DAAM2: variants seen among roughly 807,000 people sequenced by gnomAD.
DAAM2 encodes dishevelled associated activator of morphogenesis 2, also known as disheveled-associated activator of morphogenesis 2.
A neutral mutation model predicts 120.7 loss-of-function variants in DAAM2; 39 were observed. That is an observed-to-expected ratio of 0.32 (90% CI 0.25 to 0.42). DAAM2 has a LOEUF of 0.42. DAAM2 is among the 10% of genes least tolerant of loss of function. The pLI is 1.00. For synonymous variants in DAAM2, 488 were observed against 524.9 expected (o/e 0.93, Z 0.96); for missense variants, 1,283 against 1,401.7 (o/e 0.92, Z 1.35).
At chr6:39,872,742 A>G (rs1256442088) in intron 9 of DAAM2, among the ~76,000 whole-genome samples, 1 of 152,188 alleles carries the variant, frequency 6.6e-6, no homozygotes, top group Non-Finnish European at 1.5e-5. Flanking sequence ...TCACACAACT[A>G]AAGCGTAGAT....
At chr6:39,871,438 T>C in intron 8 of DAAM2, 68 bp from the exon 9 acceptor site, 3 of 1,429,642 alleles carry the variant, frequency 2.1e-6, no homozygotes, top group Non-Finnish European at 2.9e-6. Flanking sequence ...TCGAAGGGGC[T>C]GTAACCCTCA....
chr6:39,803,732 T>C (rs1761932545), intron 1 of DAAM2, among the ~76,000 whole-genome samples: 1 of 152,118 alleles, frequency 6.6e-6, no homozygotes, highest in Non-Finnish European at 1.5e-5. Flanking sequence ...CAGACTTGGG[T>C]GCTGTCCCCC....
intron 3 of DAAM2, among the ~76,000 whole-genome samples, chr6:39,863,799 C>T (rs1165397059): frequency 6.6e-6 from 1 of 152,152 alleles, no homozygotes; most frequent in African/African-American, 2.4e-5. Flanking sequence ...CTCTGCCTCC[C>T]CGCTGCACAT....
In DAAM2 at chr6:39,904,237, T is replaced by C. The variant is rs1033581828; in HGVS notation, c.*2200T>C. 4.4e-6 allele frequency: 2 copies of C among 456,664 alleles called. No homozygotes were observed. Among genetic ancestry groups the C allele is most frequent in the Non-Finnish European group, 8.8e-6 (2 of 226,994 alleles). 28.3% of individuals were successfully genotyped at this position (456,664 alleles called of 1,614,324 possible). The stretch of plus-strand genomic sequence containing the variant: ...ACTGTTGACAGAGGACACAAATACG[T>C]TGTTCCAGAGCTCAGCCTTCTCACT... On this transcript the variant is annotated 3_prime_UTR_variant, in exon 25 of 25. Transcript: ENST00000274867.
rs1299152690 is a variant in DAAM2 at position 39,816,230 on chromosome 6, T to C, written c.-57+23765T>C. Among the ~76,000 whole-genome samples the C allele has an allele frequency of 4.6e-5, 7 of 152,258 alleles. No individual in the cohort carries two copies. The East Asian group carries it at 1.3e-3, about 29-fold the overall frequency. On this transcript the variant is annotated intron_variant, in intron 1 of 24. Coordinates refer to ENST00000274867, the MANE Select transcript of DAAM2 (RefSeq NM_001201427.2). ...GCATTTCTAACATGTTCACAGGTAA[T>C]GCTGATACTGCTTATCTGAGGTCCC...
At chr6:39,797,076 T>C (rs541098288) in intron 1 of DAAM2, among the ~76,000 whole-genome samples, 1 of 152,278 alleles carries the variant, frequency 6.6e-6, no homozygotes, top group South Asian at 2.1e-4. Context: ...AGACCCTTTA[T>C]ACAAAAGTGG....
At position 39,901,486 on chromosome 6, in the gene DAAM2, CCAGG is replaced by C; in HGVS notation, c.2982+16_2982+19del. 1.0e-5 allele frequency: 16 copies of C among 1,598,584 alleles called. No individual in the cohort carries two copies. The South Asian group carries it at 1.8e-4, about 18-fold the overall frequency. On this transcript the variant is annotated intron_variant, in intron 24 of 24. Coordinates refer to ENST00000274867, the MANE Select transcript of DAAM2 (RefSeq NM_001201427.2). This position sits in a 1 kb window ranked among gnomAD's most constrained non-coding sequence, Gnocchi z 4.5. ...ATGGAAGCCATGGTGAGGGGCAGTG[CCAGG>C]CCTGGGACTGAGGGGAGACGGGTGC...
chr6:39,814,529 A>G (rs1392242853), intron 1 of DAAM2, among the ~76,000 whole-genome samples: 1 of 152,246 alleles, frequency 6.6e-6, no homozygotes, highest in Non-Finnish European at 1.5e-5. Flanking sequence ...TGGAAACTAA[A>G]GTTTAGAACA....
chr6:39,893,582 G>C (rs575521682), intron 19 of DAAM2, among the ~76,000 whole-genome samples: 1 of 152,222 alleles, frequency 6.6e-6, no homozygotes, highest in East Asian at 1.9e-4. Context: ...TTGATATCAA[G>C]CTAAGCCGAG....
rs370740545 is a variant in DAAM2, at chr6:39,887,558, C to T, written c.2026C>T (p.Arg676Trp). Residue 676 changes from arginine to tryptophan, a missense_variant, in exon 16 of 25, where the codon CGG becomes TGG. Around this residue, in one of 3 missense-constraint regions of DAAM2, gnomAD observed 748 missense variants for 768.6 expected, o/e 0.97. Coordinates refer to ENST00000274867, the MANE Select transcript of DAAM2 (RefSeq NM_001201427.2). Reference protein sequence around the residue: ...KVKELSVIDGRRAQNCIILLS... With the variant: ...KVKELSVIDGWRAQNCIILLS... ...CAAAGAGCTGTCGGTCATTGATGGCCGGAGGGCCCAAAACTGCATCATCCT... is the reference window on the plus strand; with the variant it reads ...CAAAGAGCTGTCGGTCATTGATGGCTGGAGGGCCCAAAACTGCATCATCCT... The T allele has an allele frequency of 7.7e-5, 124 of 1,613,634 alleles. 1 individual carries two copies. Among genetic ancestry groups the T allele is most frequent in the East Asian group, 1.1e-4 (5 of 44,878 alleles).
chr6:39,827,649 C>T (rs147646668), intron 1 of DAAM2, among the ~76,000 whole-genome samples: 1,717 of 152,186 alleles, frequency 0.011, 21 homozygotes, highest in Middle Eastern at 0.024. Context: ...TGACTCTTTT[C>T]CTTGGGGTCC....
chr6:39,830,358 C>T (rs1164272408), intron 1 of DAAM2, among the ~76,000 whole-genome samples: 1 of 152,112 alleles, frequency 6.6e-6, no homozygotes, highest in African/African-American at 2.4e-5. Flanking sequence ...AGGCTGGAGT[C>T]GCTGGGGTCC....
chr6:39,865,259 G>C (rs1764379677), intron 5 of DAAM2, among the ~76,000 whole-genome samples, 185 bp downstream of exon 5: 1 of 152,246 alleles, frequency 6.6e-6, no homozygotes, highest in African/African-American at 2.4e-5. Flanking sequence ...GAGGAGGGGA[G>C]AGAAACCTGG....
In DAAM2 at chr6:39,901,347, C is replaced by T. The variant is rs763722131; in HGVS notation, c.2857C>T (p.Gln953Ter). The T allele has an allele frequency of 6.2e-7, 1 of 1,613,866 alleles. No homozygotes were observed. Among genetic ancestry groups the T allele is most frequent in the Non-Finnish European group, 8.5e-7 (1 of 1,179,898 alleles). The part of the protein sequence containing the change: ...MHFGEHDSKM[Q>*]PDEFFGIFDT... ...CTTCGGGGAGCATGACAGCAAGATG[C>T]AGCCAGACGAATTCTTTGGCATCTT... Residue 953 changes from glutamine to a stop codon, truncating the protein, a stop_gained, in exon 24 of 25, where the codon CAG becomes TAG. Coordinates refer to ENST00000274867, the MANE Select transcript of DAAM2 (RefSeq NM_001201427.2). LOFTEE classifies it high-confidence loss of function. This position sits in a 1 kb window ranked among gnomAD's most constrained non-coding sequence, Gnocchi z 4.5.
chr6:39,904,713 C>T lies in DAAM2; in HGVS notation c.*2676C>T. The T allele has an allele frequency of 2.2e-6, 1 of 454,112 alleles. No individual in the cohort carries two copies. The highest frequency in any genetic ancestry group is 4.4e-6 in the Non-Finnish European group (1 of 226,784). The allele number at this position is 454,112 out of a possible 1,614,324, so 28.1% of individuals were successfully genotyped here. A position where few individuals can be genotyped will look rare whatever the true frequency, so the allele number is the denominator to read the frequency against. On this transcript the variant is annotated 3_prime_UTR_variant, in exon 25 of 25. Transcript: ENST00000274867. ...GACTATCTATCTCCCCCGACTTCTA[C>T]CAGGGATGCCTTCACGCCAAGGCTG...
chr6:39,842,726 A>G (rs1263479163), intron 1 of DAAM2, among the ~76,000 whole-genome samples: 3 of 152,196 alleles, frequency 2.0e-5, no homozygotes, highest in Non-Finnish European at 4.4e-5. Flanking sequence ...TATAAACAGC[A>G]GACAAAAAGT....
At chr6:39,889,943 T>C (rs895311726) in intron 17 of DAAM2, among the ~76,000 whole-genome samples, 12 of 152,114 alleles carry the variant, frequency 7.9e-5, no homozygotes, top group African/African-American at 2.4e-4. Flanking sequence ...GCCTGGCCAG[T>C]ATGGTGAGAC....
At chr6:39,824,655 A>G (rs1762603836) in intron 1 of DAAM2, among the ~76,000 whole-genome samples, 1 of 152,162 alleles carries the variant, frequency 6.6e-6, no homozygotes, top group Non-Finnish European at 1.5e-5. Flanking sequence ...CATAGCATGC[A>G]GGAGAAGCTG....
At chr6:39,864,574 A>G in intron 4 of DAAM2, 67 bp downstream of exon 4, 1 of 1,198,858 alleles carries the variant, frequency 8.3e-7, no homozygotes. Context: ...TGATTCCCCC[A>G]GCCCCCACCC....
Sources: gnomAD v4.1 joint callset for allele counts (sites outside exome capture counted in the v4.1 genomes callset) on GRCh38, gnomAD v4.1.1 for gene constraint, gnomAD v4.1.1 regional missense constraint, Gnocchi (gnomAD v3.1) non-coding constraint, MANE v1.5 for transcripts, NCBI Gene and HGNC (gene_info 2026-07-23, HGNC 2026-07-21) for gene names.